Variants in NAV2 observed in about 807,000 individuals in gnomAD.
NAV2 encodes the protein neuron navigator 2, also known as helicase, APC down-regulated 1.
Under a neutral mutation model 223.2 loss-of-function variants are expected in NAV2, and 54 were observed. The observed-to-expected ratio is 0.24, with a 90% CI of 0.19 to 0.30. The LOEUF (loss-of-function observed/expected upper bound fraction) is 0.30, where lower values mean the gene tolerates loss of function less well. Ranked by LOEUF, NAV2 falls within the 10% of genes least tolerant of loss-of-function variation. The pLI is 1.00. For synonymous variants in NAV2, 1,279 were observed against 1,239.3 expected (o/e 1.03, Z -0.67); for missense variants, 2,806 against 3,147.5 (o/e 0.89, Z 2.60).
intron 1 of NAV2, among the ~76,000 whole-genome samples, chr11:19,471,440 C>G (rs1267442467): frequency 6.6e-6 from 1 of 152,150 alleles, no homozygotes; most frequent in Non-Finnish European, 1.5e-5. Flanking sequence ...TGAGTGCTTC[C>G]TCTGTGCCGG....
intron 1 of NAV2, among the ~76,000 whole-genome samples, chr11:19,464,408 GA>G (rs945468030): frequency 1.6e-4 from 25 of 152,102 alleles, no homozygotes; most frequent in African/African-American, 5.8e-4. Context: ...AGTGAGAGGG[GA>G]TACAGGATAG....
At chr11:19,619,946 A>G (rs2046933383) in intron 1 of NAV2, among the ~76,000 whole-genome samples, 1 of 152,214 alleles carries the variant, frequency 6.6e-6, no homozygotes, top group South Asian at 2.1e-4. Flanking sequence ...TATAAGGTGT[A>G]AGGAAGGGAT....
rs545461480 is a variant in NAV2 at position 19,618,695 on chromosome 11, A to C, written c.76-213789A>C. On this transcript the variant is annotated intron_variant, in intron 1 of 37. Coordinates refer to the NAV2 transcript ENST00000360655. ...GGCCAGACAAAGAAAAATCAGCTGAAAAATCTAGAGTCAGGTTGGGGACGT... is the reference window on the plus strand; with the variant it reads ...GGCCAGACAAAGAAAAATCAGCTGACAAATCTAGAGTCAGGTTGGGGACGT... Among the ~76,000 whole-genome samples, 3 of 152,278 alleles carry C rather than the reference A, an allele frequency of 2.0e-5. No homozygotes were observed. In the East Asian group the frequency reaches 5.8e-4, roughly 29 times the overall value.
chr11:19,822,830 C>A (rs2059448567), intron 1 of NAV2, among the ~76,000 whole-genome samples: 1 of 152,174 alleles, frequency 6.6e-6, no homozygotes, highest in South Asian at 2.1e-4. Flanking sequence ...TCCTCATATG[C>A]TCAGATGGGG....
chr11:19,783,817 C>T (rs755124816), intron 1 of NAV2, among the ~76,000 whole-genome samples: 7 of 152,104 alleles, frequency 4.6e-5, no homozygotes, highest in Non-Finnish European at 1.0e-4. Flanking sequence ...CATCCAAGCA[C>T]ATAGTAAATG....
intron 1 of NAV2, among the ~76,000 whole-genome samples, chr11:19,674,059 C>T (rs1252450608): frequency 3.3e-5 from 5 of 152,208 alleles, no homozygotes; most frequent in Non-Finnish European, 1.5e-5. Flanking sequence ...CGTGGGCCGT[C>T]GTCAGTCCTG....
chr11:19,479,492 A>C (rs529728602), intron 1 of NAV2, among the ~76,000 whole-genome samples: 1 of 152,096 alleles, frequency 6.6e-6, no homozygotes, highest in Non-Finnish European at 1.5e-5. Flanking sequence ...CGTCCTGTTA[A>C]TTCCCACCAC....
chr11:19,678,054 T>C (rs73426607), intron 1 of NAV2, among the ~76,000 whole-genome samples: 4,534 of 152,156 alleles, frequency 0.03, 154 homozygotes, highest in East Asian at 0.081. Flanking sequence ...GAGACCCCTC[T>C]CCAGAGGGAG....
chr11:19,788,119 C>T (rs765467426), intron 1 of NAV2, among the ~76,000 whole-genome samples: 2 of 152,194 alleles, frequency 1.3e-5, no homozygotes, highest in Non-Finnish European at 2.9e-5. Context: ...TTCTGTAAGT[C>T]GGGGTTTCTC....
intron 1 of NAV2, among the ~76,000 whole-genome samples, chr11:19,412,085 C>T (rs1850169355): frequency 6.6e-6 from 1 of 152,100 alleles, no homozygotes; most frequent in South Asian, 2.1e-4. Context: ...CCATTCACTC[C>T]CCTGGAAAGG....
chr11:19,566,107 C>T (rs1340750074), intron 1 of NAV2, among the ~76,000 whole-genome samples: 3 of 138,234 alleles, frequency 2.2e-5, no homozygotes, highest in Non-Finnish European at 4.7e-5. Context: ...TTCGCTCTGT[C>T]ACCCAAGCTG....
chr11:19,751,137 C>T (rs1326196055), intron 1 of NAV2, among the ~76,000 whole-genome samples: 1 of 152,154 alleles, frequency 6.6e-6, no homozygotes, highest in Non-Finnish European at 1.5e-5. Flanking sequence ...ATTTCTTTAT[C>T]CCCTTTCCTC....
At chr11:20,095,845 T>A (rs1164600927) in intron 30 of NAV2, 78 bp downstream of exon 30, 1 of 1,051,982 alleles carries the variant, frequency 9.5e-7, no homozygotes, top group African/African-American at 1.6e-5. Context: ...GAGAGGTTGA[T>A]GTCCTGAGCT....
intron 1 of NAV2, among the ~76,000 whole-genome samples, chr11:19,743,634 C>T (rs997512691): frequency 6.6e-6 from 1 of 152,216 alleles, no homozygotes; most frequent in Non-Finnish European, 1.5e-5. Flanking sequence ...AATTCCAAGG[C>T]GAGGCCACAA....
rs202116788 is a variant in NAV2, at chr11:20,118,581, C to CAG, written c.*329_*330dup. On this transcript the variant is annotated 3_prime_UTR_variant, in exon 38 of 38. Transcript: ENST00000349880. ...ATCGCCGTTGAAATGAAAAGAGAGA[C>CAG]AGAGAGAAAAAAAAAAAGAGAACCC... 3.7e-3 allele frequency: 336 copies of CAG among 89,948 alleles called. No homozygotes were observed. Among genetic ancestry groups the CAG allele is most frequent in the Middle Eastern group, 9.2e-3 (2 of 218 alleles). 5.6% of individuals were successfully genotyped at this position (89,948 alleles called of 1,614,324 possible). A position where few individuals can be genotyped will look rare whatever the true frequency, so the allele number is the denominator to read the frequency against.
chr11:19,738,793 C>A (rs1423121605), intron 1 of NAV2, among the ~76,000 whole-genome samples: 1 of 152,168 alleles, frequency 6.6e-6, no homozygotes, highest in African/African-American at 2.4e-5. Flanking sequence ...TGATGTGTGA[C>A]TGTCTGTCCA....
intron 1 of NAV2, among the ~76,000 whole-genome samples, chr11:19,605,263 G>C (rs2046445846): frequency 6.6e-6 from 1 of 152,114 alleles, no homozygotes. Flanking sequence ...CCTCCATCCA[G>C]CTGCCCCTTC....
chr11:19,499,262 A>G lies in NAV2; in HGVS notation c.75+148235A>G, dbSNP rs546413648. Among the ~76,000 whole-genome samples, 10 of 152,336 alleles carry G rather than the reference A, an allele frequency of 6.6e-5. No individual in the cohort carries two copies. In the East Asian group the frequency reaches 1.5e-3, roughly 24 times the overall value. On this transcript the variant is annotated intron_variant, in intron 1 of 37. Coordinates refer to the NAV2 transcript ENST00000360655. ...ACTATAAATAAAAGGCCAGGAACCT[A>G]AGATTGAAGTGAACCAGGGGTTACA...
At chr11:19,445,893 C>T (rs1372750100) in intron 1 of NAV2, among the ~76,000 whole-genome samples, 5 of 152,038 alleles carry the variant, frequency 3.3e-5, no homozygotes, top group African/African-American at 1.2e-4. Flanking sequence ...ATGTTATTAT[C>T]CCCATAGTAC....
Sources: gnomAD v4.1 joint callset for allele counts (sites outside exome capture counted in the v4.1 genomes callset) on GRCh38, gnomAD v4.1.1 for gene constraint, MANE v1.5 for transcripts, NCBI Gene and HGNC (gene_info 2026-07-23, HGNC 2026-07-21) for gene names.